Variants in SORCS1 observed in about 807,000 individuals in gnomAD.
SORCS1 encodes the protein VPS10 domain-containing receptor SorCS1.
SORCS1 carries 60 observed loss-of-function variants against 146.1 expected under a neutral mutation model. That is an observed-to-expected ratio of 0.41 (90% CI 0.33 to 0.51). The LOEUF (loss-of-function observed/expected upper bound fraction) is 0.51, where lower values mean the gene tolerates loss of function less well. SORCS1 is among the 20% of genes least tolerant of loss of function. The probability of loss-of-function intolerance (pLI) is 0.21; values close to 1 mark genes in which losing one functional copy is unlikely to be tolerated. For synonymous variants in SORCS1, 637 were observed against 584.0 expected (o/e 1.09, Z -1.31); for missense variants, 1,352 against 1,487.6 (o/e 0.91, Z 1.50).
chr10:106,739,003 A>G (rs2136089081), intron 5 of SORCS1, among the ~76,000 whole-genome samples: 1 of 152,328 alleles, frequency 6.6e-6, no homozygotes, highest in Middle Eastern at 3.4e-3. Context: ...TTGTTTTAAA[A>G]GGCAAGGTTA....
intron 21 of SORCS1, among the ~76,000 whole-genome samples, chr10:106,613,538 A>G (rs1847151177): frequency 6.6e-6 from 1 of 152,160 alleles, no homozygotes. Flanking sequence ...GTGGAGCCCT[A>G]GCCCTAGCTT....
intron 2 of SORCS1, among the ~76,000 whole-genome samples, chr10:106,874,881 G>A (rs1462560314): frequency 2.0e-5 from 3 of 152,098 alleles, no homozygotes; most frequent in Non-Finnish European, 2.9e-5. Context: ...ATCATATGAG[G>A]GATTTCAGCA....
chr10:107,116,221 A>G lies in SORCS1; in HGVS notation c.558+47748T>C, dbSNP rs1355787554. Among the ~76,000 whole-genome samples the G allele has an allele frequency of 2.0e-5, 3 of 152,102 alleles. No homozygotes were observed. The East Asian group carries it at 5.8e-4, about 29-fold the overall frequency. On this transcript the variant is annotated intron_variant, in intron 1 of 25. Coordinates refer to ENST00000263054, the MANE Select transcript of SORCS1 (RefSeq NM_052918.5). ...CAGTAGGAAGGCTCTTAAAAAATTA[A>G]AAGTAGAACAACATTATATGATCCA...
At chr10:107,049,182 C>G (rs1204893769) in intron 1 of SORCS1, among the ~76,000 whole-genome samples, 3 of 146,972 alleles carry the variant, frequency 2.0e-5, no homozygotes, top group Non-Finnish European at 3.0e-5. Context: ...AACCAAACAC[C>G]GCATGTTCTC....
intron 1 of SORCS1, among the ~76,000 whole-genome samples, chr10:107,045,478 T>C (rs1590009420): frequency 6.6e-6 from 1 of 152,308 alleles, no homozygotes; most frequent in East Asian, 1.9e-4. Flanking sequence ...AATATCTGAC[T>C]TGAACTTCAT....
rs745934143 is a variant in SORCS1, at chr10:107,060,146, A to G, written c.559-103566T>C. 2.0e-5 allele frequency among the ~76,000 whole-genome samples: 3 copies of G among 152,012 alleles called. No individual in the cohort carries two copies. The highest frequency in any genetic ancestry group is 4.4e-5 in the Non-Finnish European group (3 of 67,990). ...CACACACACACACACACAGTATCCC[A>G]TATCAGATATGTACACATGCACACT... On this transcript the variant is annotated intron_variant, in intron 1 of 25. Coordinates refer to ENST00000263054, the MANE Select transcript of SORCS1 (RefSeq NM_052918.5). This position sits in a 1 kb window ranked among gnomAD's most constrained non-coding sequence, Gnocchi z 4.1.
At chr10:106,673,135 A>AAT in intron 14 of SORCS1, 150 bp from the exon 15 acceptor site, 1 of 502,380 alleles carries the variant, frequency 2.0e-6, no homozygotes, top group Non-Finnish European at 3.2e-6. Context: ...TGAAGAGGGT[A>AAT]CTTTTTTTTT....
At chr10:107,042,005 A>C (rs1054295021) in intron 1 of SORCS1, among the ~76,000 whole-genome samples, 8 of 152,346 alleles carry the variant, frequency 5.3e-5, no homozygotes, top group Non-Finnish European at 1.0e-4. Context: ...TAAAGATTTC[A>C]TTAACCTTAA....
chr10:106,908,583 C>T (rs1397681767), intron 2 of SORCS1, among the ~76,000 whole-genome samples: 1 of 152,132 alleles, frequency 6.6e-6, no homozygotes, highest in Non-Finnish European at 1.5e-5. Flanking sequence ...AAGCTCTGCT[C>T]GGGGGAATGT....
At chr10:107,141,934 G>A (rs969678593) in intron 1 of SORCS1, among the ~76,000 whole-genome samples, 1 of 152,180 alleles carries the variant, frequency 6.6e-6, no homozygotes, top group Non-Finnish European at 1.5e-5. Flanking sequence ...CCTTCTCCTA[G>A]ACTTGCAGTG....
intron 1 of SORCS1, among the ~76,000 whole-genome samples, chr10:107,026,396 G>A (rs553362860): frequency 3.3e-5 from 5 of 152,156 alleles, no homozygotes; most frequent in African/African-American, 1.2e-4. Flanking sequence ...GAGGCAGGCG[G>A]ATCATGAGGT....
At chr10:107,114,509 CATAG>C (rs1264107720) in intron 1 of SORCS1, among the ~76,000 whole-genome samples, 11 of 152,116 alleles carry the variant, frequency 7.2e-5, no homozygotes, top group African/African-American at 2.4e-4. Context: ...GGACAAAAAT[CATAG>C]ATAGTCTCAA....
At chr10:106,756,288 G>A (rs1203937003) in intron 5 of SORCS1, among the ~76,000 whole-genome samples, 2 of 152,148 alleles carry the variant, frequency 1.3e-5, no homozygotes, top group African/African-American at 4.8e-5. Context: ...TAGCCAGTGG[G>A]CATTCAATAT....
chr10:107,109,435 C>T (rs1024437053), intron 1 of SORCS1, among the ~76,000 whole-genome samples: 1 of 152,214 alleles, frequency 6.6e-6, no homozygotes, highest in Non-Finnish European at 1.5e-5. Flanking sequence ...TGACTTGCAC[C>T]CTTTGAAGCA....
At chr10:106,899,140 AT>A (rs1951600789) in intron 2 of SORCS1, among the ~76,000 whole-genome samples, 1 of 152,060 alleles carries the variant, frequency 6.6e-6, no homozygotes, top group Non-Finnish European at 1.5e-5. Context: ...ACCAAGCCAT[AT>A]TTTTTTCTGT....
intron 2 of SORCS1, among the ~76,000 whole-genome samples, chr10:106,861,687 C>G (rs975166306): frequency 1.3e-5 from 2 of 152,062 alleles, no homozygotes; most frequent in Admixed American, 1.3e-4. Flanking sequence ...GTCAAGAGAT[C>G]AACACCATCC....
chr10:106,765,064 T>C (rs182906211), intron 4 of SORCS1, among the ~76,000 whole-genome samples: 1 of 151,872 alleles, frequency 6.6e-6, no homozygotes, highest in East Asian at 1.9e-4. Context: ...GGGTTTGATT[T>C]TGTTTAGCTA....
Position 106,791,318 on chromosome 10 carries a change from T to C in SORCS1, c.727-14626A>G, listed in dbSNP as rs114316212. On this transcript the variant is annotated intron_variant, in intron 3 of 25. Coordinates refer to ENST00000263054, the MANE Select transcript of SORCS1 (RefSeq NM_052918.5). ...TTACCAGGTTTCCAATTTTCACTAA[T>C]ATTATGATTAATGTAGATTAACATT... Among the ~76,000 whole-genome samples the C allele has an allele frequency of 1.4e-3, 210 of 152,370 alleles. 2 individuals are homozygous for C. The highest frequency in any genetic ancestry group is 4.8e-3 in the African/African-American group (201 of 41,590).
At chr10:107,136,327 C>T (rs922668455) in intron 1 of SORCS1, among the ~76,000 whole-genome samples, 2 of 152,092 alleles carry the variant, frequency 1.3e-5, no homozygotes, top group Non-Finnish European at 2.9e-5. Context: ...TCCTAAAAAC[C>T]AAAAAGAATG....
Sources: gnomAD v4.1 joint callset for allele counts (sites outside exome capture counted in the v4.1 genomes callset) on GRCh38, gnomAD v4.1.1 for gene constraint, Gnocchi (gnomAD v3.1) non-coding constraint, MANE v1.5 for transcripts, NCBI Gene and HGNC (gene_info 2026-07-23, HGNC 2026-07-21) for gene names.